Variants in PPP1R1C observed in about 807,000 individuals in gnomAD.
The protein encoded by PPP1R1C is protein phosphatase 1 regulatory inhibitor subunit 1C, also known as protein phosphatase 1 regulatory subunit 1C.
In PPP1R1C, 15 loss-of-function variants were observed where a neutral mutation model predicts 17.4. The observed-to-expected ratio is 0.86, with a 90% confidence interval of 0.58 to 1.33. The LOEUF is 1.33. PPP1R1C is among the 40% of genes most tolerant of loss of function. PPP1R1C has a pLI of 0.00. For missense variants in PPP1R1C, 143 were observed against 130.0 expected (o/e 1.10, Z -0.48); for synonymous variants, 35 against 43.1 (o/e 0.81, Z 0.73).
At chr2:182,028,696 G>A (rs1686706295) in intron 2 of PPP1R1C, among the ~76,000 whole-genome samples, 1 of 149,636 alleles carries the variant, frequency 6.7e-6, no homozygotes, top group African/African-American at 2.4e-5. Flanking sequence ...TTGTTGATTT[G>A]GGGTGGAGAG....
intron 2 of PPP1R1C, among the ~76,000 whole-genome samples, chr2:182,040,013 C>T (rs561826152): frequency 6.6e-6 from 1 of 152,276 alleles, no homozygotes; most frequent in African/African-American, 2.4e-5. Flanking sequence ...AGTAGTATTC[C>T]ATGGTGTATA....
At chr2:182,128,416 G>A (rs780726737) in intron 5 of PPP1R1C, among the ~76,000 whole-genome samples, 11 of 152,026 alleles carry the variant, frequency 7.2e-5, no homozygotes, top group African/African-American at 1.9e-4. Flanking sequence ...AGAGAATCTT[G>A]TCAGGGCCCC....
At position 181,986,199 on chromosome 2, in the gene PPP1R1C, A is replaced by T. The variant is rs374147637; in HGVS notation, c.81+8A>T. On this transcript the variant is annotated splice_region_variant and intron_variant, in intron 1 of 4. Transcript: ENST00000682840. Reference sequence around the variant, plus strand: ...CCTGAAGCAGCAGAGCAGGTATGTGAAATTGCATGGAGAACCATTCCTGTA... The same window carrying T: ...CCTGAAGCAGCAGAGCAGGTATGTGTAATTGCATGGAGAACCATTCCTGTA... 15 of 1,601,864 alleles carry T rather than the reference A, an allele frequency of 9.4e-6. No homozygotes were observed. The highest frequency in any genetic ancestry group is 1.3e-5 in the Non-Finnish European group (15 of 1,168,902).
chr2:181,960,139 C>A (rs77957471), intron 1 of PPP1R1C, among the ~76,000 whole-genome samples: 4,714 of 152,156 alleles, frequency 0.031, 107 homozygotes, highest in South Asian at 0.1. Context: ...TAAATTAATA[C>A]CTTATCAGAG....
At chr2:181,999,691 C>CT (rs1187594381) in intron 2 of PPP1R1C, among the ~76,000 whole-genome samples, 1 of 151,446 alleles carries the variant, frequency 6.6e-6, no homozygotes, top group Non-Finnish European at 1.5e-5. Flanking sequence ...TAATTCTATA[C>CT]TTTTTTCTTT....
intron 2 of PPP1R1C, among the ~76,000 whole-genome samples, chr2:181,975,928 G>T (rs1220447766): frequency 6.6e-6 from 1 of 151,876 alleles, no homozygotes; most frequent in Non-Finnish European, 1.5e-5. Context: ...TTTTGAAAAA[G>T]AGCTCTATTT....
At chr2:182,093,211 G>A (rs1478940062) in intron 4 of PPP1R1C, among the ~76,000 whole-genome samples, 7 of 152,160 alleles carry the variant, frequency 4.6e-5, no homozygotes, top group Non-Finnish European at 1.0e-4. Flanking sequence ...GCCAAGGATT[G>A]GGGCTTCCAC....
At chr2:182,025,441 G>A (rs1195062189) in intron 2 of PPP1R1C, among the ~76,000 whole-genome samples, 1 of 138,272 alleles carries the variant, frequency 7.2e-6, no homozygotes, top group African/African-American at 2.7e-5. Context: ...TGCCACCTAT[G>A]AGTGAGAATA....
intron 2 of PPP1R1C, among the ~76,000 whole-genome samples, chr2:182,035,461 A>G (rs1185411243): frequency 1.3e-5 from 2 of 152,154 alleles, no homozygotes; most frequent in Admixed American, 6.6e-5. Context: ...ACTTCTTGGC[A>G]TTTGATATAG....
rs185881254 is a variant in PPP1R1C at position 181,958,616 on chromosome 2, T to C, written n.111+3982T>C. Among the ~76,000 whole-genome samples, 16 of 152,332 alleles carry C rather than the reference T, an allele frequency of 1.1e-4. No homozygotes were observed. In the East Asian group the frequency reaches 2.7e-3, roughly 26 times the overall value. On this transcript the variant is annotated intron_variant and non_coding_transcript_variant, in intron 1 of 5. Transcript: ENST00000464264. ...GTAATTACAGCACCAGATCAAGATA[T>C]AGAATAGAAGTCTTTCTTGTACTCA... is the stretch of plus-strand genomic sequence containing the variant.
chr2:182,057,374 A>C (rs944173509), intron 2 of PPP1R1C, among the ~76,000 whole-genome samples: 1 of 152,134 alleles, frequency 6.6e-6, no homozygotes, highest in African/African-American at 2.4e-5. Context: ...TGAATTGGGA[A>C]AGATTTCCCA....
In PPP1R1C at chr2:182,085,091, C is replaced by T. The variant is rs1320685243; in HGVS notation, c.241+21300C>T. Among the ~76,000 whole-genome samples, 4 of 151,854 alleles carry T rather than the reference C, an allele frequency of 2.6e-5. No individual in the cohort carries two copies. In the East Asian group the frequency reaches 7.7e-4, roughly 29 times the overall value. On this transcript the variant is annotated intron_variant, in intron 4 of 4. Transcript: ENST00000682840. ...GTGTGCTACTGATTTGTGTACATTG[C>T]ATCATATAGTGATACTGATTTGTGT...
intron 4 of PPP1R1C, among the ~76,000 whole-genome samples, chr2:182,092,387 G>A (rs1015960389): frequency 6.6e-6 from 1 of 152,138 alleles, no homozygotes; most frequent in African/African-American, 2.4e-5. Context: ...GGAGATACAA[G>A]ATGAGATTTG....
At chr2:182,088,882 G>A (rs893151816) in intron 4 of PPP1R1C, among the ~76,000 whole-genome samples, 2 of 152,062 alleles carry the variant, frequency 1.3e-5, no homozygotes, top group African/African-American at 4.8e-5. Context: ...CCTGGTGCAC[G>A]CAACATTCCT....
At chr2:182,012,077 A>G (rs1318562846) in intron 2 of PPP1R1C, among the ~76,000 whole-genome samples, 1 of 152,078 alleles carries the variant, frequency 6.6e-6, no homozygotes, top group Non-Finnish European at 1.5e-5. Flanking sequence ...TGAGAAGAAG[A>G]AGGTGTATTT....
chr2:182,068,473 G>T (rs941286323), intron 4 of PPP1R1C, among the ~76,000 whole-genome samples: 4 of 152,140 alleles, frequency 2.6e-5, no homozygotes, highest in Admixed American at 6.6e-5. Flanking sequence ...GAAAAGTCGG[G>T]TTTAAGATGC....
At chr2:181,979,275 C>T (rs1306643913) in intron 2 of PPP1R1C, among the ~76,000 whole-genome samples, 1 of 152,106 alleles carries the variant, frequency 6.6e-6, no homozygotes, top group Non-Finnish European at 1.5e-5. Context: ...AATCTGAATT[C>T]GTAGTTCATC....
chr2:181,970,308 T>C (rs1384383287), intron 1 of PPP1R1C, among the ~76,000 whole-genome samples: 1 of 152,176 alleles, frequency 6.6e-6, no homozygotes, highest in Admixed American at 6.5e-5. Flanking sequence ...GGGACTTGCA[T>C]GTTGTGATCT....
intron 4 of PPP1R1C, among the ~76,000 whole-genome samples, chr2:182,105,088 A>G (rs571472519): frequency 6.6e-6 from 1 of 152,308 alleles, no homozygotes; most frequent in South Asian, 2.1e-4. Flanking sequence ...TGGAAAAAAA[A>G]TGAAGGTTGA....
Sources: gnomAD v4.1 joint callset for allele counts (sites outside exome capture counted in the v4.1 genomes callset) on GRCh38, gnomAD v4.1.1 for gene constraint, MANE v1.5 for transcripts, NCBI Gene and HGNC (gene_info 2026-07-23, HGNC 2026-07-21) for gene names.